The following MYCBP2 variants were observed in gnomAD, a reference collection of about 807,000 sequenced individuals.
The protein encoded by MYCBP2 is MYC binding protein 2.
Under a neutral mutation model 525.3 loss-of-function variants are expected in MYCBP2, and 120 were observed. The ratio of observed to expected loss-of-function variants is 0.23; its 90% CI spans 0.20 to 0.27. The LOEUF (loss-of-function observed/expected upper bound fraction) is 0.27. MYCBP2 is among the 10% of genes least tolerant of loss of function. MYCBP2 has a pLI of 1.00. For missense variants in MYCBP2, 4,149 were observed against 5,657.1 expected (o/e 0.73, Z 8.55); for synonymous variants, 1,894 against 1,955.8 (o/e 0.97, Z 0.83).
rs761872140 is a variant in MYCBP2, at chr13:77,066,058, C to A, written c.12486G>T (p.Trp4162Cys). 1 of 1,612,974 alleles carries A rather than the reference C, an allele frequency of 6.2e-7. No individual in the cohort carries two copies. The highest frequency in any genetic ancestry group is 1.1e-5 in the South Asian group (1 of 90,914). ...TCTGGGTAGGGGTTGAGCCCTTCAT[C>A]CACCAATGACTTTCACCTCGTCGGA... Reference protein sequence around the residue: ...SYLRRGESHWWMKGSTPTQIS... With the variant: ...SYLRRGESHWCMKGSTPTQIS... Residue 4162 changes from tryptophan to cysteine, a missense_variant, in exon 72 of 83, where the codon TGG becomes TGT. Around this residue, in one of 21 missense-constraint regions of MYCBP2, gnomAD observed 148 missense variants for 179.4 expected, o/e 0.82. Transcript: ENST00000544440.
At chr13:77,197,673 G>C (rs1327997645) in intron 26 of MYCBP2, among the ~76,000 whole-genome samples, 2 of 152,112 alleles carry the variant, frequency 1.3e-5, no homozygotes, top group Non-Finnish European at 2.9e-5. Context: ...CAGTGGCCAG[G>C]TGGAAGGGGA....
Position 77,293,489 on chromosome 13 carries a change from G to C in MYCBP2, c.378+3110C>G, listed in dbSNP as rs371271450. On this transcript the variant is annotated intron_variant, in intron 2 of 82. Coordinates refer to ENST00000544440, the MANE Select transcript of MYCBP2 (RefSeq NM_015057.5). ...TGCAACAAATATACAAGGGAGATAT[G>C]GTAGGTAAATAATAGCCTCCAAAAA... Among the ~76,000 whole-genome samples the C allele has an allele frequency of 4.6e-5, 7 of 152,126 alleles. No individual in the cohort carries two copies. The East Asian group carries it at 1.2e-3, about 25-fold the overall frequency.
chr13:77,194,099 A>C, intron 27 of MYCBP2, 54 bp downstream of exon 27: 1 of 1,145,216 alleles, frequency 8.7e-7, no homozygotes, highest in Non-Finnish European at 1.3e-6. Flanking sequence ...TTTATAATAA[A>C]TTTTTAATAT....
intron 61 of MYCBP2, 170 bp from the exon 62 acceptor site, chr13:77,087,803 C>CA (rs2044605792): frequency 1.7e-6 from 1 of 603,234 alleles, no homozygotes; most frequent in Non-Finnish European, 2.8e-6. Flanking sequence ...TTTTAAGAGA[C>CA]AGTGTCTCGC....
intron 77 of MYCBP2, among the ~76,000 whole-genome samples, chr13:77,059,300 T>A (rs1400212293): frequency 6.6e-6 from 1 of 152,230 alleles, no homozygotes; most frequent in Non-Finnish European, 1.5e-5. Flanking sequence ...ATTAAATACA[T>A]ATGATCATGG....
chr13:77,206,972 C>T (rs1566926383), intron 23 of MYCBP2, 147 bp from the exon 24 acceptor site: 2 of 600,038 alleles, frequency 3.3e-6, no homozygotes, highest in Admixed American at 3.8e-5. Flanking sequence ...TGGATCTAAG[C>T]TAAACATATA....
chr13:77,096,214 A>T (rs1036145468), intron 57 of MYCBP2, 98 bp downstream of exon 57: 22 of 1,190,660 alleles, frequency 1.8e-5, no homozygotes, highest in African/African-American at 1.5e-4. Context: ...TTTAATATCA[A>T]CTATGTGGAA....
At chr13:77,256,084 T>C (rs961146572) in intron 14 of MYCBP2, among the ~76,000 whole-genome samples, 2 of 152,016 alleles carry the variant, frequency 1.3e-5, no homozygotes, top group Non-Finnish European at 2.9e-5. Context: ...TTCTCTTCAA[T>C]GGCCTGAGGG....
intron 17 of MYCBP2, among the ~76,000 whole-genome samples, chr13:77,235,832 A>G (rs999061144): frequency 1.3e-5 from 2 of 152,142 alleles, no homozygotes; most frequent in Non-Finnish European, 2.9e-5. Context: ...CAGTGTAGAG[A>G]TAAAAGAAAC....
At position 77,100,816 on chromosome 13, in the gene MYCBP2, A is replaced by T. The variant is rs138454562; in HGVS notation, c.8141-1803T>A. The stretch of plus-strand genomic sequence containing the variant: ...TGTTTTATAAATACAGTATTAACAG[A>T]TGGGGCTAAGTTTTGAAAAAAGGGT... On this transcript the variant is annotated intron_variant, in intron 55 of 82. Transcript: ENST00000544440. 3.9e-3 allele frequency among the ~76,000 whole-genome samples: 589 copies of T among 152,176 alleles called. 5 individuals are homozygous for T. Among genetic ancestry groups the T allele is most frequent in the African/African-American group, 0.014 (561 of 41,542 alleles).
At chr13:77,211,142 C>T (rs2063956507) in intron 23 of MYCBP2, 25 bp downstream of exon 23, 1 of 1,404,498 alleles carries the variant, frequency 7.1e-7, no homozygotes, top group Non-Finnish European at 9.3e-7. Context: ...AACTTATTGA[C>T]TATTTTATAA....
intron 36 of MYCBP2, among the ~76,000 whole-genome samples, chr13:77,176,201 T>C (rs2059690230): frequency 1.3e-5 from 2 of 152,182 alleles, no homozygotes; most frequent in East Asian, 3.9e-4. Context: ...AGTGGTTAAA[T>C]AATGATCTGC....
chr13:77,173,828 T>TA (rs1281386453), intron 37 of MYCBP2, among the ~76,000 whole-genome samples: 1 of 152,204 alleles, frequency 6.6e-6, no homozygotes, highest in African/African-American at 2.4e-5. Flanking sequence ...TGGTTTTTGT[T>TA]AAAAACATTA....
rs1566954964 is a variant in MYCBP2 at position 77,217,963 on chromosome 13, TTAA to T, written c.2940-9_2940-7del. ...GAACAAGAGTGGGACATCCCCTAGG[TTAA>T]AAAAAAAAAAAGTAAGTCAATTTCT... On this transcript the variant is annotated splice_region_variant and splice_polypyrimidine_tract_variant and intron_variant, in intron 20 of 82. Coordinates refer to ENST00000544440, the MANE Select transcript of MYCBP2 (RefSeq NM_015057.5). 4.6e-6 allele frequency: 7 copies of T among 1,535,856 alleles called. No individual in the cohort carries two copies. In the East Asian group the frequency reaches 1.1e-4, roughly 23 times the overall value.
intron 1 of MYCBP2, among the ~76,000 whole-genome samples, chr13:77,312,477 G>A (rs961786816): frequency 1.3e-5 from 2 of 151,852 alleles, no homozygotes; most frequent in Non-Finnish European, 2.9e-5. Flanking sequence ...GGATCTGTAG[G>A]GTTGCAAGGT....
chr13:77,214,911 T>C (rs2064591562), intron 21 of MYCBP2, among the ~76,000 whole-genome samples: 2 of 152,176 alleles, frequency 1.3e-5, no homozygotes, highest in Non-Finnish European at 1.5e-5. Flanking sequence ...AAAATACTGT[T>C]ATACAGTGCA....
At chr13:77,223,447 G>A (rs1242296200) in intron 20 of MYCBP2, among the ~76,000 whole-genome samples, 2 of 152,084 alleles carry the variant, frequency 1.3e-5, no homozygotes, top group Non-Finnish European at 2.9e-5. Flanking sequence ...CTGCTTTCTG[G>A]AAGACCTGAA....
Position 77,268,041 on chromosome 13 carries a change from A to G in MYCBP2, c.1261-104T>C, listed in dbSNP as rs553781947. On this transcript the variant is annotated intron_variant, in intron 7 of 82. Coordinates refer to ENST00000544440, the MANE Select transcript of MYCBP2 (RefSeq NM_015057.5). ...ACAGGTTTTTGAGGTACAATAATAC[A>G]TCAATATTGATGTCTAAAAGATATT... is the stretch of plus-strand genomic sequence containing the variant. 20 of 638,860 alleles carry G rather than the reference A, an allele frequency of 3.1e-5. No individual in the cohort carries two copies. In the South Asian group the frequency reaches 3.2e-4, roughly 10 times the overall value. 39.6% of individuals were successfully genotyped at this position (638,860 alleles called of 1,614,324 possible).
chr13:77,178,588 A>G (rs1433475717), intron 34 of MYCBP2, among the ~76,000 whole-genome samples: 2 of 152,256 alleles, frequency 1.3e-5, no homozygotes, highest in African/African-American at 2.4e-5. Context: ...AGAGAATTAG[A>G]GAACTTACTT....
Sources: gnomAD v4.1 joint callset for allele counts (sites outside exome capture counted in the v4.1 genomes callset) on GRCh38, gnomAD v4.1.1 for gene constraint, gnomAD v4.1.1 regional missense constraint, MANE v1.5 for transcripts, NCBI Gene and HGNC (gene_info 2026-07-23, HGNC 2026-07-21) for gene names.